Variants in CHD7 observed in about 807,000 individuals in gnomAD.
The protein encoded by CHD7 is ATP-dependent chromatin remodeler CHD7.
CHD7 carries 24 observed loss-of-function variants against 307.3 expected under a neutral mutation model. The ratio of observed to expected loss-of-function variants is 0.08; its 90% CI spans 0.06 to 0.11. The LOEUF (loss-of-function observed/expected upper bound fraction) is 0.11, where lower values mean the gene tolerates loss of function less well. Ranked by LOEUF, CHD7 falls within the 10% of genes least tolerant of loss-of-function variation. CHD7 has a pLI of 1.00. For missense variants in CHD7, 3,106 were observed against 3,727.1 expected (o/e 0.83, Z 4.34); for synonymous variants, 1,363 against 1,349.9 (o/e 1.01, Z -0.21).
At chr8:60,761,472 C>T (rs972192131) in intron 2 of CHD7, among the ~76,000 whole-genome samples, 4 of 151,918 alleles carry the variant, frequency 2.6e-5, no homozygotes, top group Non-Finnish European at 4.4e-5. Context: ...TGCACATGTA[C>T]CCTAAAACTT....
intron 4 of CHD7, 61 bp from the exon 5 acceptor site, chr8:60,800,327 C>CG: frequency 6.4e-7 from 1 of 1,556,676 alleles, no homozygotes; most frequent in Non-Finnish European, 8.7e-7. Flanking sequence ...CCACTGCGCT[C>CG]GGCCACATTT....
intron 4 of CHD7, among the ~76,000 whole-genome samples, chr8:60,798,287 G>A (rs576745836): frequency 9.2e-4 from 140 of 152,272 alleles, no homozygotes; most frequent in African/African-American, 3.2e-3. Context: ...GGAACCTCTG[G>A]CCCATGTCAC....
At chr8:60,695,770 A>G (rs1806436806) in intron 1 of CHD7, among the ~76,000 whole-genome samples, 1 of 152,164 alleles carries the variant, frequency 6.6e-6, no homozygotes, top group African/African-American at 2.4e-5. Context: ...TAAAAATGCA[A>G]ATTAAATTAA....
intron 2 of CHD7, among the ~76,000 whole-genome samples, chr8:60,779,334 T>C (rs974372673): frequency 6.6e-6 from 1 of 152,188 alleles, no homozygotes; most frequent in Non-Finnish European, 1.5e-5. Flanking sequence ...GAGTGAAACC[T>C]GTGAGCCTTT....
intron 18 of CHD7, 55 bp downstream of exon 18, chr8:60,837,890 A>G: frequency 2.1e-5 from 32 of 1,497,232 alleles, no homozygotes; most frequent in Non-Finnish European, 2.8e-5. Context: ...CCTTTATTTA[A>G]CTAATAGTAA....
chr8:60,852,875 A>C lies in CHD7; in HGVS notation c.6150A>C (p.Arg2050=). 1 of 1,613,946 alleles carries C rather than the reference A, an allele frequency of 6.2e-7. No individual in the cohort carries two copies. The highest frequency in any genetic ancestry group is 8.5e-7 in the Non-Finnish European group (1 of 1,179,834). ...TAATTGAGCCGATCACAGAGGAGCG[A>C]GCCTCTCGAACTCTGTACCGCATTG... ...SSIIEPITEE[R]ASRTLYRIEL... Residue 2050 remains arginine (R), a synonymous_variant, in exon 31 of 38, where the codon CGA becomes CGC. Coordinates refer to ENST00000423902, the MANE Select transcript of CHD7 (RefSeq NM_017780.4).
At chr8:60,765,249 A>C (rs200632941) in intron 2 of CHD7, among the ~76,000 whole-genome samples, 2 of 151,814 alleles carry the variant, frequency 1.3e-5, no homozygotes, top group South Asian at 2.1e-4. Flanking sequence ...ATGCATGCAC[A>C]CACACATGTA....
intron 7 of CHD7, among the ~76,000 whole-genome samples, chr8:60,814,619 G>C (rs1159503528): frequency 1.3e-5 from 2 of 152,126 alleles, no homozygotes; most frequent in African/African-American, 4.8e-5. Flanking sequence ...GCTGATTTTT[G>C]TATTTTTAAT....
chr8:60,834,924 G>A (rs1804674074), intron 15 of CHD7, among the ~76,000 whole-genome samples: 1 of 152,184 alleles, frequency 6.6e-6, no homozygotes, highest in Non-Finnish European at 1.5e-5. Context: ...GCCTCTTTGA[G>A]GTTTATGTAT....
Position 60,865,751 on chromosome 8 carries a change from G to A in CHD7, c.8812G>A (p.Ala2938Thr). The A allele has an allele frequency of 6.2e-7, 1 of 1,612,544 alleles. No homozygotes were observed. The highest frequency in any genetic ancestry group is 8.5e-7 in the Non-Finnish European group (1 of 1,179,148). ...QNAVGSSEEK[A>T]ADKAEGGPFK... ...TGCCGTGGGCTCCAGCGAAGAAAAG[G>A]CTGCTGACAAGGCTGAGGGAGGACC... The change falls in exon 38 of 38, where the codon GCT (alanine) becomes ACT (threonine). Residue 2938 changes from alanine (A) to threonine (T), a missense_variant. By Grantham distance (58) the Ala-to-Thr change is moderately conservative. Around this residue, in one of 10 missense-constraint regions of CHD7, gnomAD observed 351 missense variants for 366.2 expected, o/e 0.96. Transcript: ENST00000423902. This position sits in a 1 kb window ranked among gnomAD's most constrained non-coding sequence, Gnocchi z 4.3.
At chr8:60,772,722 T>A (rs1283617466) in intron 2 of CHD7, among the ~76,000 whole-genome samples, 1 of 152,178 alleles carries the variant, frequency 6.6e-6, no homozygotes, top group Non-Finnish European at 1.5e-5. Context: ...GGAAGGGCAA[T>A]ATGCAAGGTG....
chr8:60,848,230 A>C (rs561188889), intron 23 of CHD7, among the ~76,000 whole-genome samples: 2 of 152,312 alleles, frequency 1.3e-5, no homozygotes, highest in African/African-American at 4.8e-5. Flanking sequence ...TCTAAACTTC[A>C]CAAGCTGCAC....
chr8:60,853,384 G>C lies in CHD7; in HGVS notation c.6659G>C (p.Gly2220Ala), dbSNP rs752591881. 2 of 1,546,208 alleles carry C rather than the reference G, an allele frequency of 1.3e-6. No individual in the cohort carries two copies. The highest frequency in any genetic ancestry group is 1.3e-5 in the South Asian group (1 of 78,454). Reference sequence around the variant, plus strand: ...AGCTCTGTGAAAAATGAACTGAAAGGTGTTGAGGTCGGCGCAGACACTGGG... The same window carrying C: ...AGCTCTGTGAAAAATGAACTGAAAGCTGTTGAGGTCGGCGCAGACACTGGG... ...EASSVKNELK[G>A]VEVGADTGSK... is the part of the protein sequence containing the mutation. The change falls in exon 31 of 38, where the codon GGT (glycine) becomes GCT (alanine). Residue 2220 changes from glycine (G) to alanine (A), a missense_variant. Gly to Ala is a moderately conservative substitution (Grantham distance 60). Around this residue, in one of 10 missense-constraint regions of CHD7, gnomAD observed 1,030 missense variants for 1,165.4 expected, o/e 0.88. Transcript: ENST00000423902.
chr8:60,823,070 T>G (rs1804115592), intron 12 of CHD7, among the ~76,000 whole-genome samples: 1 of 152,180 alleles, frequency 6.6e-6, no homozygotes, highest in Non-Finnish European at 1.5e-5. Context: ...CAAAAATTGG[T>G]AATATTAAAT....
chr8:60,812,734 TTTTATTTATTTATTTTA>T (rs1297908111), intron 7 of CHD7, among the ~76,000 whole-genome samples: 1 of 151,760 alleles, frequency 6.6e-6, no homozygotes, highest in Admixed American at 6.6e-5. Context: ...GTCCTAAAGT[TTTTATTTATTTATTTTA>T]TTTATTTTTT....
Position 60,742,308 on chromosome 8 carries a change from T to G in CHD7, c.876T>G (p.Phe292Leu). 1.2e-6 allele frequency: 2 copies of G among 1,613,990 alleles called. No individual in the cohort carries two copies. The highest frequency in any genetic ancestry group is 1.7e-6 in the Non-Finnish European group (2 of 1,179,894). ...CTGTTAGGCCGCAAACCCTTAACTTTAGTTCTCGGAGCCAGACAGTCCCCT... is the reference window on the plus strand; with the variant it reads ...CTGTTAGGCCGCAAACCCTTAACTTGAGTTCTCGGAGCCAGACAGTCCCCT... ...QGAVRPQTLN[F>L]SSRSQTVPSP... The change falls in exon 2 of 38, where the codon TTT becomes TTG. Residue 292 changes from phenylalanine (F) to leucine (L), a missense_variant. This residue lies in a region of CHD7 where 998 missense variants were observed against 1,004.5 expected (regional missense o/e 0.99). Transcript: ENST00000423902.
chr8:60,699,626 G>A (rs1399627430), intron 1 of CHD7, among the ~76,000 whole-genome samples: 2 of 151,646 alleles, frequency 1.3e-5, no homozygotes, highest in Non-Finnish European at 2.9e-5. Context: ...CTTCCCTAGA[G>A]CCTCTCAGTA....
intron 23 of CHD7, among the ~76,000 whole-genome samples, chr8:60,847,764 G>A (rs1025137933): frequency 2.0e-5 from 3 of 151,778 alleles, no homozygotes; most frequent in Admixed American, 2.0e-4. Context: ...AATTCCAAGG[G>A]TTTTAAAAAA....
At chr8:60,845,472 G>A in intron 23 of CHD7, 63 bp downstream of exon 23, 2 of 1,535,186 alleles carry the variant, frequency 1.3e-6, no homozygotes, top group Non-Finnish European at 8.9e-7. Flanking sequence ...AAAAATACAT[G>A]CAGCCGGCCC....
Sources: allele counts gnomAD v4.1 joint callset (sites outside exome capture counted in the v4.1 genomes callset), GRCh38; gene constraint gnomAD v4.1.1; regional missense constraint gnomAD v4.1.1; non-coding constraint Gnocchi (gnomAD v3.1); transcripts MANE v1.5; gene names NCBI Gene and HGNC (gene_info 2026-07-23, HGNC 2026-07-21).